PDZRN4: variants seen among roughly 807,000 people sequenced by gnomAD.
PDZRN4 encodes PDZ domain-containing RING finger protein 4.
PDZRN4 carries 70 observed loss-of-function variants against 99.0 expected under a neutral mutation model. The observed-to-expected ratio is 0.71, with a 90% CI of 0.58 to 0.86. The LOEUF is 0.86. PDZRN4 is among the 40% of genes least tolerant of loss of function. The pLI, the probability that PDZRN4 is intolerant of heterozygous loss-of-function variation, is 0.00. For missense variants in PDZRN4, 1,474 were observed against 1,331.2 expected, an observed-to-expected ratio of 1.11 and a Z score of -1.67; for synonymous variants, 551 against 501.6, an observed-to-expected ratio of 1.10 and a Z score of -1.32.
At chr12:41,563,078 A>C (rs1310192214) in intron 7 of PDZRN4, among the ~76,000 whole-genome samples, 2 of 152,212 alleles carry the variant, frequency 1.3e-5, no homozygotes, top group Non-Finnish European at 2.9e-5. Context: ...ATAAAAATGC[A>C]ATCAGCAGTG....
chr12:41,199,014 C>G (rs1950797249), intron 3 of PDZRN4, among the ~76,000 whole-genome samples: 1 of 152,102 alleles, frequency 6.6e-6, no homozygotes, highest in Non-Finnish European at 1.5e-5. Flanking sequence ...TCTGCATAGT[C>G]AGAATGCAGC....
chr12:41,404,291 A>G (rs1952326799), intron 3 of PDZRN4, among the ~76,000 whole-genome samples: 2 of 152,174 alleles, frequency 1.3e-5, no homozygotes, highest in South Asian at 4.1e-4. Flanking sequence ...GGCATCTATG[A>G]GAGAGTGTGA....
At chr12:41,472,234 C>T (rs1016936623) in intron 3 of PDZRN4, among the ~76,000 whole-genome samples, 1 of 152,136 alleles carries the variant, frequency 6.6e-6, no homozygotes, top group East Asian at 1.9e-4. Context: ...ACCTCCTGAC[C>T]TCAGGTGATC....
chr12:41,547,399 G>A (rs1273597122), intron 5 of PDZRN4, among the ~76,000 whole-genome samples: 1 of 152,156 alleles, frequency 6.6e-6, no homozygotes, highest in African/African-American at 2.4e-5. Context: ...GCCAAGGCTG[G>A]CAGATCACTT....
chr12:41,468,745 A>C (rs1160671997), intron 3 of PDZRN4, among the ~76,000 whole-genome samples: 1 of 152,220 alleles, frequency 6.6e-6, no homozygotes, highest in East Asian at 1.9e-4. Context: ...TAATTTACAA[A>C]ATTAAATGTC....
intron 3 of PDZRN4, among the ~76,000 whole-genome samples, chr12:41,397,253 T>C (rs1302169696): frequency 6.6e-6 from 1 of 152,168 alleles, no homozygotes; most frequent in Non-Finnish European, 1.5e-5. Context: ...CATTGACCTC[T>C]CTCTCCCTTC....
intron 3 of PDZRN4, among the ~76,000 whole-genome samples, chr12:41,267,918 A>G (rs577650776): frequency 6.6e-6 from 1 of 152,306 alleles, no homozygotes; most frequent in East Asian, 1.9e-4. Context: ...CTTTCACTAA[A>G]GAAAAAGAAT....
chr12:41,419,625 C>T (rs1952473571), intron 3 of PDZRN4, among the ~76,000 whole-genome samples: 1 of 152,156 alleles, frequency 6.6e-6, no homozygotes, highest in South Asian at 2.1e-4. Context: ...GTAAACCTTT[C>T]TCACCATGGG....
chr12:41,247,465 GTTGA>G (rs1951140636), intron 3 of PDZRN4, among the ~76,000 whole-genome samples: 1 of 152,148 alleles, frequency 6.6e-6, no homozygotes, highest in South Asian at 2.1e-4. Flanking sequence ...CCCAATATAA[GTTGA>G]TTGATTGTTG....
chr12:41,234,898 G>A (rs1951055411), intron 3 of PDZRN4, among the ~76,000 whole-genome samples: 1 of 152,012 alleles, frequency 6.6e-6, no homozygotes, highest in African/African-American at 2.4e-5. Context: ...TAATTGAAGT[G>A]GACCGGCTGA....
chr12:41,342,640 A>AT (rs1826509513), intron 3 of PDZRN4, among the ~76,000 whole-genome samples: 1 of 151,994 alleles, frequency 6.6e-6, no homozygotes, highest in Non-Finnish European at 1.5e-5. Flanking sequence ...GAAAATGCAG[A>AT]TAAAAACCAC....
chr12:41,241,528 G>A (rs139572637), intron 3 of PDZRN4, among the ~76,000 whole-genome samples: 5 of 151,778 alleles, frequency 3.3e-5, no homozygotes, highest in Non-Finnish European at 5.9e-5. Flanking sequence ...AGTTATGGGT[G>A]TTACTTATCT....
intron 3 of PDZRN4, among the ~76,000 whole-genome samples, chr12:41,316,135 G>T (rs1951636400): frequency 1.3e-5 from 2 of 152,082 alleles, no homozygotes; most frequent in South Asian, 4.2e-4. Context: ...GAAAGCTGTT[G>T]ATTCCAACTT....
At chr12:41,512,942 TTTAAAAG>T (rs1938332920) in intron 5 of PDZRN4, among the ~76,000 whole-genome samples, 1 of 152,124 alleles carries the variant, frequency 6.6e-6, no homozygotes, top group South Asian at 2.1e-4. Context: ...GCATCCACAC[TTTAAAAG>T]AAATAGCTTC....
intron 3 of PDZRN4, among the ~76,000 whole-genome samples, chr12:41,404,687 G>A (rs929838245): frequency 6.6e-6 from 1 of 150,774 alleles, no homozygotes. Flanking sequence ...AACTGAAAAA[G>A]AGCATGAATA....
intron 3 of PDZRN4, among the ~76,000 whole-genome samples, chr12:41,446,301 AT>A (rs11321884): frequency 0.068 from 9,647 of 142,734 alleles, 756 homozygotes; most frequent in East Asian, 0.18. Context: ...TGGAAATTAG[AT>A]TTTTTTTTTC....
intron 5 of PDZRN4, among the ~76,000 whole-genome samples, chr12:41,543,505 G>A (rs1435090056): frequency 6.6e-6 from 1 of 152,146 alleles, no homozygotes; most frequent in Admixed American, 6.5e-5. Flanking sequence ...CCAAGAAACA[G>A]AAGACCCAAA....
At chr12:41,541,794 G>A (rs1335980502) in intron 5 of PDZRN4, among the ~76,000 whole-genome samples, 1 of 152,148 alleles carries the variant, frequency 6.6e-6, no homozygotes, top group Non-Finnish European at 1.5e-5. Context: ...AGGCACTCTT[G>A]TGGATCATTT....
At chr12:41,426,090 T>C (rs951345839) in intron 3 of PDZRN4, among the ~76,000 whole-genome samples, 7 of 152,302 alleles carry the variant, frequency 4.6e-5, no homozygotes, top group South Asian at 2.1e-4. Flanking sequence ...AATCCATCAA[T>C]GTATAATGCT....
Sources: gnomAD v4.1 joint callset for allele counts (sites outside exome capture counted in the v4.1 genomes callset) on GRCh38, gnomAD v4.1.1 for gene constraint, MANE v1.5 for transcripts, NCBI Gene and HGNC (gene_info 2026-07-23, HGNC 2026-07-21) for gene names.